Variants in MAP3K8 observed in about 807,000 individuals in gnomAD.
MAP3K8 encodes mitogen-activated protein kinase kinase kinase 8.
In MAP3K8, 22 loss-of-function variants were observed where a neutral mutation model predicts 45.8. The ratio of observed to expected loss-of-function variants is 0.48; its 90% CI spans 0.34 to 0.69. The LOEUF is 0.69. Ranked by LOEUF, MAP3K8 falls within the 30% of genes least tolerant of loss-of-function variation. The pLI is 0.01. For missense variants in MAP3K8, 419 were observed against 585.0 expected, an observed-to-expected ratio of 0.72 and a Z score of 2.93; for synonymous variants, 223 against 214.3, an observed-to-expected ratio of 1.04 and a Z score of -0.36.
At chr10:30,435,444 A>G (rs1334817414) in intron 1 of MAP3K8, among the ~76,000 whole-genome samples, 1 of 152,162 alleles carries the variant, frequency 6.6e-6, no homozygotes, top group East Asian at 1.9e-4. Context: ...TTCCTTCCAT[A>G]CGCCTGAAAC....
intron 1 of MAP3K8, 47 bp downstream of exon 1, chr10:30,434,425 C>T (rs1835844834): frequency 2.0e-6 from 2 of 984,106 alleles, no homozygotes; most frequent in South Asian, 4.7e-5. Flanking sequence ...GGTCGCGTCC[C>T]GCCTGGGTGC....
chr10:30,458,041 AAAG>A, intron 6 of MAP3K8, 40 bp from the exon 7 acceptor site: 1 of 1,404,240 alleles, frequency 7.1e-7, no homozygotes, highest in East Asian at 2.7e-5. Context: ...AAACCCACAC[AAAG>A]GAGGGGAATG....
At chr10:30,458,257 G>C in intron 7 of MAP3K8, 21 bp downstream of exon 7, 3 of 1,367,446 alleles carry the variant, frequency 2.2e-6, no homozygotes, top group South Asian at 3.1e-5. Context: ...TTCAACCAGG[G>C]CTGGGGGCGG....
At chr10:30,436,759 T>A (rs1015680172) in intron 1 of MAP3K8, among the ~76,000 whole-genome samples, 13 of 151,728 alleles carry the variant, frequency 8.6e-5, no homozygotes, top group Non-Finnish European at 1.8e-4. Flanking sequence ...ATTTGAACTG[T>A]GTGGACTTTT....
In MAP3K8 at chr10:30,454,402, A is replaced by G. The variant is rs1836664003; in HGVS notation, c.873+2658A>G. Among the ~76,000 whole-genome samples, 3 of 151,706 alleles carry G rather than the reference A, an allele frequency of 2.0e-5. No homozygotes were observed. The South Asian group carries it at 6.2e-4, about 32-fold the overall frequency. ...ACAAAAAGTAAACAAACAAACAAAC[A>G]AAAACTTTACTTTTTGTAAAAATGG... is the stretch of plus-strand genomic sequence containing the variant. On this transcript the variant is annotated intron_variant, in intron 6 of 8. Coordinates refer to ENST00000263056, the MANE Select transcript of MAP3K8 (RefSeq NM_005204.4).
intron 5 of MAP3K8, among the ~76,000 whole-genome samples, chr10:30,451,195 A>G (rs1836527022): frequency 6.6e-6 from 1 of 152,224 alleles, no homozygotes; most frequent in African/African-American, 2.4e-5. Context: ...CAATGTAACA[A>G]TAATCCATTA....
chr10:30,442,789 A>G (rs771153834), intron 3 of MAP3K8, among the ~76,000 whole-genome samples: 1 of 151,970 alleles, frequency 6.6e-6, no homozygotes, highest in Non-Finnish European at 1.5e-5. Flanking sequence ...ACAACTTTAT[A>G]TCTATAAGTG....
At chr10:30,454,335 C>G (rs1450686454) in intron 6 of MAP3K8, among the ~76,000 whole-genome samples, 1 of 152,114 alleles carries the variant, frequency 6.6e-6, no homozygotes, top group Admixed American at 6.5e-5. Flanking sequence ...CCTTTCAAAC[C>G]AGATTCTTCC....
At chr10:30,442,645 G>A in intron 3 of MAP3K8, among the ~76,000 whole-genome samples, 1 of 152,246 alleles carries the variant, frequency 6.6e-6, no homozygotes. Context: ...GGGTAAGAGT[G>A]CTGCATGTTA....
In MAP3K8 at chr10:30,448,013, T is replaced by A. The variant is rs527486517; in HGVS notation, c.504+64T>A. On this transcript the variant is annotated intron_variant, in intron 4 of 8. Coordinates refer to ENST00000263056, the MANE Select transcript of MAP3K8 (RefSeq NM_005204.4). Reference sequence around the variant, plus strand: ...TGGCATTCTGGCTTTTGTTTTTTTGTCCATTTGCATTAACCAAAGGTTTTT... The same window carrying A: ...TGGCATTCTGGCTTTTGTTTTTTTGACCATTTGCATTAACCAAAGGTTTTT... 3 of 1,441,820 alleles carry A rather than the reference T, an allele frequency of 2.1e-6. No individual in the cohort carries two copies. In the African/African-American group the frequency reaches 4.3e-5, roughly 21 times the overall value. 89.3% of individuals were successfully genotyped at this position (1,441,820 alleles called of 1,614,324 possible). A position where few individuals can be genotyped will look rare whatever the true frequency, so the allele number is the denominator to read the frequency against.
At chr10:30,436,234 C>A (rs8177050) in intron 1 of MAP3K8, among the ~76,000 whole-genome samples, 1 of 152,194 alleles carries the variant, frequency 6.6e-6, no homozygotes, top group Non-Finnish European at 1.5e-5. Context: ...TCTGAACTTT[C>A]TCTAGATGGG....
At chr10:30,458,373 C>T in intron 7 of MAP3K8, 137 bp downstream of exon 7, 1 of 516,366 alleles carries the variant, frequency 1.9e-6, no homozygotes, top group East Asian at 3.5e-5. Flanking sequence ...CAGGTAGCTA[C>T]AAGTTCTTCC....
rs549474 is a variant in MAP3K8 at position 30,439,168 on chromosome 10, G to T, written c.230G>T (p.Arg77Ile). 2.5e-6 allele frequency: 4 copies of T among 1,614,074 alleles called. No individual in the cohort carries two copies. The highest frequency in any genetic ancestry group is 3.4e-6 in the Non-Finnish European group (4 of 1,180,034). ...GAGGTACCATGGTTGTCATCAGTCA[G>T]ATATGGAACTGTGGAGGATTTGCTT... ...GQEVPWLSSV[R>I]YGTVEDLLAF... is the part of the protein sequence containing the mutation. Residue 77 changes from arginine to isoleucine, a missense_variant, in exon 3 of 9, where the codon AGA (arginine) becomes ATA (isoleucine). Arg to Ile is a moderately conservative substitution (Grantham distance 97). Transcript: ENST00000263056.
intron 3 of MAP3K8, among the ~76,000 whole-genome samples, chr10:30,442,599 G>A (rs951599212): frequency 2.0e-5 from 3 of 152,230 alleles, no homozygotes; most frequent in African/African-American, 7.2e-5. Context: ...AAGATCTGGG[G>A]AAGAAGCTTT....
rs773495911 is a variant in MAP3K8 at position 30,459,318 on chromosome 10, C to G, written c.1090C>G (p.Leu364Val). 1 of 1,614,146 alleles carries G rather than the reference C, an allele frequency of 6.2e-7. No individual in the cohort carries two copies. The highest frequency in any genetic ancestry group is 1.7e-5 in the Admixed American group (1 of 60,022). The change falls in exon 8 of 9, where the codon CTG (leucine) becomes GTG (valine). Residue 364 changes from leucine to valine, a missense_variant. Physicochemically the swap from Leu to Val is conservative, Grantham distance 32. Transcript: ENST00000263056. ...TGACTGCAGTCCAGGGATGAGAGAG[C>G]TGATAGAAGCTTCCCTGGAGAGAAA... is the stretch of plus-strand genomic sequence containing the variant. The part of the protein sequence containing the change: ...ADDCSPGMRE[L>V]IEASLERNPN...
intron 7 of MAP3K8, 29 bp downstream of exon 7, chr10:30,458,265 C>CGGGGGGGGG: frequency 3.2e-5 from 13 of 405,632 alleles, no homozygotes; most frequent in Non-Finnish European, 4.9e-5. Context: ...GGGCTGGGGG[C>CGGGGGGGGG]GGCGGGGGGG....
Position 30,440,254 on chromosome 10 carries a change from A to T in MAP3K8, c.336+980A>T, listed in dbSNP as rs557979978. On this transcript the variant is annotated intron_variant, in intron 3 of 8. Coordinates refer to ENST00000263056, the MANE Select transcript of MAP3K8 (RefSeq NM_005204.4). ...TGGCTAAAGGTAACCTAATATTTTT[A>T]AAAAGAATAATTTGCAAAGGAGTAG... 2.0e-5 allele frequency among the ~76,000 whole-genome samples: 3 copies of T among 152,352 alleles called. No individual in the cohort carries two copies. In the South Asian group the frequency reaches 6.2e-4, roughly 32 times the overall value.
intron 3 of MAP3K8, 22 bp downstream of exon 3, chr10:30,439,296 TG>T: frequency 5.0e-6 from 8 of 1,613,018 alleles, no homozygotes; most frequent in Non-Finnish European, 6.8e-6. Context: ...TCCGATCAGT[TG>T]GGTGCTATGT....
chr10:30,441,463 A>G (rs1836105876), intron 3 of MAP3K8, among the ~76,000 whole-genome samples: 1 of 152,112 alleles, frequency 6.6e-6, no homozygotes, highest in South Asian at 2.1e-4. Context: ...GGCCAGGAAA[A>G]ATTTTAAGAA....
Sources: gnomAD v4.1 joint callset for allele counts (sites outside exome capture counted in the v4.1 genomes callset) on GRCh38, gnomAD v4.1.1 for gene constraint, MANE v1.5 for transcripts, NCBI Gene and HGNC (gene_info 2026-07-23, HGNC 2026-07-21) for gene names.